Variants in ACBD6 observed in about 807,000 individuals in gnomAD.
The protein encoded by ACBD6 is acyl-CoA binding domain containing 6, also known as acyl-CoA-binding domain-containing protein 6.
ACBD6 carries 28 observed loss-of-function variants against 37.2 expected under a neutral mutation model. That is an observed-to-expected ratio of 0.75 (90% CI 0.56 to 1.03). The LOEUF is 1.03. ACBD6 is among the 50% of genes least tolerant of loss of function. The pLI, the probability that ACBD6 is intolerant of heterozygous loss-of-function variation, is 0.00. For synonymous variants in ACBD6, 113 were observed against 126.8 expected (o/e 0.89, Z 0.73); for missense variants, 340 against 337.4 (o/e 1.01, Z -0.06).
chr1:180,387,447 A>G (rs896222889), intron 6 of ACBD6, among the ~76,000 whole-genome samples: 1 of 152,160 alleles, frequency 6.6e-6, no homozygotes, highest in African/African-American at 2.4e-5. Context: ...CACACTTACG[A>G]CAGAAGGGGA....
At chr1:180,426,121 T>C (rs1648572675) in intron 4 of ACBD6, among the ~76,000 whole-genome samples, 1 of 152,218 alleles carries the variant, frequency 6.6e-6, no homozygotes, top group Non-Finnish European at 1.5e-5. Flanking sequence ...GAACAACTAA[T>C]CAATTCCAGA....
intron 1 of ACBD6, among the ~76,000 whole-genome samples, chr1:180,497,357 AAAG>A (rs139908510): frequency 0.022 from 3,309 of 152,232 alleles, 121 homozygotes; most frequent in African/African-American, 0.075. Context: ...CCTTCCTTAA[AAAG>A]AAAAGGAGCT....
At chr1:180,424,131 C>T (rs1350360999) in intron 4 of ACBD6, among the ~76,000 whole-genome samples, 1 of 152,056 alleles carries the variant, frequency 6.6e-6, no homozygotes, top group Non-Finnish European at 1.5e-5. Flanking sequence ...CAAACATTTC[C>T]AGAGCCAGCA....
rs549194398 is a variant in ACBD6 at position 180,436,739 on chromosome 1, C to A, written c.385-6477G>T. Among the ~76,000 whole-genome samples, 7 of 152,104 alleles carry A rather than the reference C, an allele frequency of 4.6e-5. No individual in the cohort carries two copies. In the South Asian group the frequency reaches 1.2e-3, roughly 27 times the overall value. On this transcript the variant is annotated intron_variant, in intron 3 of 7. Transcript: ENST00000367595. ...CTTCCATTTTGTGTGGAATTAGATCCTCCCCTTCAAATGCTGTAATTAACA... is the reference window on the plus strand; with the variant it reads ...CTTCCATTTTGTGTGGAATTAGATCATCCCCTTCAAATGCTGTAATTAACA...
At chr1:180,465,979 A>G (rs1305875757) in intron 3 of ACBD6, among the ~76,000 whole-genome samples, 4 of 152,058 alleles carry the variant, frequency 2.6e-5, no homozygotes, top group African/African-American at 7.2e-5. Context: ...ACAAGGAAGG[A>G]AGCAACAGAC....
chr1:180,456,951 C>T (rs190866848), intron 3 of ACBD6, among the ~76,000 whole-genome samples: 1 of 152,080 alleles, frequency 6.6e-6, no homozygotes, highest in Non-Finnish European at 1.5e-5. Flanking sequence ...TACAAACAAA[C>T]ATATTTTATA....
At chr1:180,337,871 G>C (rs1182729512) in intron 6 of ACBD6, among the ~76,000 whole-genome samples, 5 of 151,490 alleles carry the variant, frequency 3.3e-5, no homozygotes, top group African/African-American at 9.7e-5. Context: ...CAGACAAACA[G>C]CCAAATCATG....
intron 6 of ACBD6, among the ~76,000 whole-genome samples, chr1:180,352,040 G>A (rs1422060868): frequency 6.6e-6 from 1 of 152,122 alleles, no homozygotes; most frequent in Non-Finnish European, 1.5e-5. Context: ...AAATAAGCCA[G>A]ACACAAAAGG....
At chr1:180,345,072 C>T (rs751114760) in intron 6 of ACBD6, among the ~76,000 whole-genome samples, 37 of 152,110 alleles carry the variant, frequency 2.4e-4, no homozygotes, top group Admixed American at 2.6e-4. Context: ...GAAGCTGGAG[C>T]TTAGTCTCTA....
intron 6 of ACBD6, among the ~76,000 whole-genome samples, chr1:180,376,380 GTTA>G (rs1486159548): frequency 6.6e-6 from 1 of 152,146 alleles, no homozygotes; most frequent in Non-Finnish European, 1.5e-5. Flanking sequence ...TATGTACAAG[GTTA>G]TTAGTTGCAG....
rs1259863718 is a variant in ACBD6 at position 180,364,456 on chromosome 1, CAG to C, written c.663+33058_663+33059del. On this transcript the variant is annotated intron_variant, in intron 6 of 7. Coordinates refer to ENST00000367595, the MANE Select transcript of ACBD6 (RefSeq NM_032360.4). Reference sequence around the variant, plus strand: ...GAAAATGTCTACTGTCTTCAAATAACAGAACGGTTGACACCTGGAAGGGAGGA... The same window carrying C: ...GAAAATGTCTACTGTCTTCAAATAACAACGGTTGACACCTGGAAGGGAGGA... 3.3e-5 allele frequency among the ~76,000 whole-genome samples: 5 copies of C among 152,222 alleles called. No homozygotes were observed. In the East Asian group the frequency reaches 7.7e-4, roughly 23 times the overall value.
At chr1:180,413,511 T>A in intron 4 of ACBD6, 40 bp from the exon 5 acceptor site, 3 of 1,389,180 alleles carry the variant, frequency 2.2e-6, no homozygotes, top group Non-Finnish European at 1.0e-6. Flanking sequence ...TACTGGGTAA[T>A]ACATTAAAGT....
intron 6 of ACBD6, among the ~76,000 whole-genome samples, chr1:180,347,867 A>G (rs888271014): frequency 2.0e-5 from 3 of 152,018 alleles, no homozygotes; most frequent in African/African-American, 7.2e-5. Context: ...CGGGAGGCTG[A>G]GGCAGGAGAA....
At chr1:180,404,407 T>C (rs940925567) in intron 5 of ACBD6, among the ~76,000 whole-genome samples, 2 of 152,120 alleles carry the variant, frequency 1.3e-5, no homozygotes, top group Non-Finnish European at 2.9e-5. Flanking sequence ...GAATTCCTTG[T>C]GCCTGAAAGC....
At chr1:180,363,862 G>C (rs1224713182) in intron 6 of ACBD6, among the ~76,000 whole-genome samples, 2 of 146,420 alleles carry the variant, frequency 1.4e-5, no homozygotes, top group Non-Finnish European at 2.9e-5. Context: ...CCACAAAATG[G>C]AGAAACCCTC....
chr1:180,385,624 A>G (rs973192970), intron 6 of ACBD6, among the ~76,000 whole-genome samples: 1 of 151,956 alleles, frequency 6.6e-6, no homozygotes, highest in Admixed American at 6.6e-5. Context: ...CCCTTACAAG[A>G]AGAGAGAGAG....
At chr1:180,287,126 G>C (rs1649527956), downstream of ACBD6, 1 of 152,088 alleles carries the variant, frequency 6.6e-6, no homozygotes, top group Non-Finnish European at 1.5e-5. Context: ...GGCATACCTG[G>C]CTGGGCACAG....
intron 7 of ACBD6, among the ~76,000 whole-genome samples, chr1:180,309,537 C>T (rs966131437): frequency 1.3e-5 from 2 of 152,088 alleles, no homozygotes; most frequent in South Asian, 2.1e-4. Flanking sequence ...CTGAAAAACA[C>T]CTGAATGAGG....
intron 4 of ACBD6, among the ~76,000 whole-genome samples, chr1:180,427,834 C>T (rs199691568): frequency 4.6e-5 from 7 of 150,750 alleles, no homozygotes; most frequent in Middle Eastern, 3.2e-3. Context: ...GCAGGGGAAT[C>T]GCTTGAATCC....
Sources: gnomAD v4.1 joint callset for allele counts (sites outside exome capture counted in the v4.1 genomes callset) on GRCh38, gnomAD v4.1.1 for gene constraint, MANE v1.5 for transcripts, NCBI Gene and HGNC (gene_info 2026-07-23, HGNC 2026-07-21) for gene names.